CEPT1: variants seen among roughly 807,000 people sequenced by gnomAD.
CEPT1 encodes choline/ethanolamine phosphotransferase 1, also known as choline/ethanolaminephosphotransferase 1.
CEPT1 carries 7 observed loss-of-function variants against 42.6 expected under a neutral mutation model. The ratio of observed to expected loss-of-function variants is 0.16; its 90% CI spans 0.09 to 0.31. The LOEUF (loss-of-function observed/expected upper bound fraction) is 0.31. CEPT1 is among the 10% of genes least tolerant of loss of function. CEPT1 has a pLI of 1.00. For missense variants in CEPT1, 306 were observed against 502.1 expected (o/e 0.61, Z 3.73); for synonymous variants, 171 against 171.9 (o/e 0.99, Z 0.04).
chr1:111,149,518 C>T (rs1226134457), intron 2 of CEPT1, among the ~76,000 whole-genome samples: 1 of 152,188 alleles, frequency 6.6e-6, no homozygotes, highest in Non-Finnish European at 1.5e-5. Context: ...CAACCTTGGC[C>T]TCCCAAAGTG....
chr1:111,142,097 A>G (rs61805898), intron 1 of CEPT1, among the ~76,000 whole-genome samples: 23,349 of 151,948 alleles, frequency 0.15, 2,181 homozygotes, highest in South Asian at 0.28. Flanking sequence ...TCCCCATGCT[A>G]AAGTCCACAC....
chr1:111,155,294 C>G (rs895843835), intron 2 of CEPT1, among the ~76,000 whole-genome samples: 1 of 151,922 alleles, frequency 6.6e-6, no homozygotes, highest in African/African-American at 2.4e-5. Context: ...CTCTAATGAT[C>G]TTTTATATTT....
chr1:111,155,687 C>T (rs545850726), intron 2 of CEPT1, among the ~76,000 whole-genome samples: 3 of 152,092 alleles, frequency 2.0e-5, no homozygotes, highest in East Asian at 3.9e-4. Flanking sequence ...TACAGGCATG[C>T]GCCACCACAC....
intron 4 of CEPT1, chr1:111,167,685 G>A (rs902102061): frequency 1.1e-5 from 11 of 982,994 alleles, no homozygotes; most frequent in Non-Finnish European, 1.2e-5. Context: ...CAGTCTTGGT[G>A]TTGTATAATA....
chr1:111,179,623 A>C (rs1011668936), intron 5 of CEPT1: 1 of 152,152 alleles, frequency 6.6e-6, no homozygotes, highest in Non-Finnish European at 1.5e-5. Flanking sequence ...CCAATTTTTA[A>C]AGGATCACCT....
intron 4 of CEPT1, among the ~76,000 whole-genome samples, chr1:111,163,488 A>G (rs1450232328): frequency 1.3e-5 from 2 of 152,118 alleles, no homozygotes; most frequent in Non-Finnish European, 2.9e-5. Flanking sequence ...AAATTAGCCA[A>G]GCACGGTGGC....
At chr1:111,155,248 T>C (rs1655498202) in intron 2 of CEPT1, among the ~76,000 whole-genome samples, 1 of 152,150 alleles carries the variant, frequency 6.6e-6, no homozygotes, top group Admixed American at 6.5e-5. Context: ...TCGTCTAGGT[T>C]TTCCAGTTTG....
chr1:111,170,201 G>T (rs867116927), intron 4 of CEPT1, among the ~76,000 whole-genome samples: 2 of 152,110 alleles, frequency 1.3e-5, no homozygotes, highest in African/African-American at 4.8e-5. Context: ...GTTTTCAAAG[G>T]TGATAAAGAT....
chr1:111,161,398 G>A (rs1655862033), intron 4 of CEPT1, 102 bp downstream of exon 4: 3 of 1,161,980 alleles, frequency 2.6e-6, no homozygotes, highest in African/African-American at 3.2e-5. Context: ...CACTAAGTTA[G>A]TTTAATAAAT....
chr1:111,142,775 A>G (rs1245052064), intron 1 of CEPT1, among the ~76,000 whole-genome samples: 1 of 152,250 alleles, frequency 6.6e-6, no homozygotes. Flanking sequence ...AGTATACACA[A>G]CAGTCTGGGG....
rs985309732 is a variant in CEPT1 at position 111,169,984 on chromosome 1, C to T, written c.630-4895C>T. ...ATTTCCTACCTCCTAGGGTGGTTGTCGTGATTAAAAGGGTGAAGAATGTAA... is the reference window on the plus strand; with the variant it reads ...ATTTCCTACCTCCTAGGGTGGTTGTTGTGATTAAAAGGGTGAAGAATGTAA... On this transcript the variant is annotated intron_variant, in intron 4 of 8. Coordinates refer to ENST00000357172, the MANE Select transcript of CEPT1 (RefSeq NM_006090.5). Among the ~76,000 whole-genome samples the T allele has an allele frequency of 3.9e-5, 6 of 152,014 alleles. No homozygotes were observed. In the East Asian group the frequency reaches 5.8e-4, roughly 15 times the overall value.
At chr1:111,180,389 C>T (rs1454566214) in intron 5 of CEPT1, 1 of 152,142 alleles carries the variant, frequency 6.6e-6, no homozygotes, top group Non-Finnish European at 1.5e-5. Context: ...TGTAATGTCC[C>T]TAGTTTATTG....
Position 111,155,092 on chromosome 1 carries a change from G to A in CEPT1, c.340-4288G>A, listed in dbSNP as rs185084611. Among the ~76,000 whole-genome samples, 27 of 152,296 alleles carry A rather than the reference G, an allele frequency of 1.8e-4. No homozygotes were observed. In the East Asian group the frequency reaches 5.2e-3, roughly 29 times the overall value. ...TTTAAAAGTTTGGTAGAATTCAGCA[G>A]TAAAGGCATTTGGTCCTGGGTTTTT... On this transcript the variant is annotated intron_variant, in intron 2 of 8. Transcript: ENST00000357172.
At chr1:111,142,460 C>G (rs1471342880) in intron 1 of CEPT1, among the ~76,000 whole-genome samples, 1 of 152,068 alleles carries the variant, frequency 6.6e-6, no homozygotes, top group Non-Finnish European at 1.5e-5. Context: ...TTATTAAATA[C>G]TAGACGAATA....
chr1:111,163,966 A>G (rs1656003702), intron 4 of CEPT1, among the ~76,000 whole-genome samples: 1 of 152,126 alleles, frequency 6.6e-6, no homozygotes, highest in African/African-American at 2.4e-5. Flanking sequence ...TTTTATTTTG[A>G]TGTTTACATA....
intron 1 of CEPT1, among the ~76,000 whole-genome samples, chr1:111,141,538 A>C (rs1188041445): frequency 1.3e-5 from 2 of 152,066 alleles, no homozygotes; most frequent in East Asian, 3.9e-4. Context: ...TGCTGTGTTT[A>C]TTTTTAAGGG....
At position 111,161,273 on chromosome 1, in the gene CEPT1, T is replaced by G. The variant is rs1655854801; in HGVS notation, c.606T>G (p.Val202=). The G allele has an allele frequency of 3.1e-6, 5 of 1,610,312 alleles. No homozygotes were observed. The highest frequency in any genetic ancestry group is 4.2e-6 in the Non-Finnish European group (5 of 1,178,882). The change falls in exon 4 of 9, where the codon GTT becomes GTG. Residue 202 remains valine (V), a synonymous_variant. Transcript: ENST00000357172. Reference sequence around the variant, plus strand: ...ATTGTGCGCACTGGCAAACGTATGTTTCTGGAACATTGCGATTTGGAATGT... The same window carrying G: ...ATTGTGCGCACTGGCAAACGTATGTGTCTGGAACATTGCGATTTGGAATGT... ...MFYCAHWQTY[V]SGTLRFGIID...
chr1:111,154,209 A>G (rs144805541), intron 2 of CEPT1, among the ~76,000 whole-genome samples: 3 of 99,500 alleles, frequency 3.0e-5, no homozygotes, highest in African/African-American at 1.5e-4. Context: ...ATTTTATTTT[A>G]TTTTATTTTA....
chr1:111,155,663 C>G (rs553747316), intron 2 of CEPT1, among the ~76,000 whole-genome samples: 1 of 152,028 alleles, frequency 6.6e-6, no homozygotes, highest in Non-Finnish European at 1.5e-5. Context: ...CTCAGCCTCC[C>G]GAGTAGCTGG....
Sources: allele counts gnomAD v4.1 joint callset (sites outside exome capture counted in the v4.1 genomes callset), GRCh38; gene constraint gnomAD v4.1.1; transcripts MANE v1.5; gene names NCBI Gene and HGNC (gene_info 2026-07-23, HGNC 2026-07-21).